MRAS: variants seen among roughly 807,000 people sequenced by gnomAD.
MRAS encodes muscle RAS oncogene homolog.
A neutral mutation model predicts 20.9 loss-of-function variants in MRAS; 4 were observed. That is an observed-to-expected ratio of 0.19 (90% CI 0.09 to 0.44). The LOEUF (loss-of-function observed/expected upper bound fraction) is 0.44, where lower values mean the gene tolerates loss of function less well. Among genes scored for constraint, MRAS ranks in the 20% least tolerant of loss-of-function variants. The pLI, the probability that MRAS is intolerant of heterozygous loss-of-function variation, is 0.99. For synonymous variants in MRAS, 98 were observed against 102.9 expected, an observed-to-expected ratio of 0.95 and a Z score of 0.29; for missense variants, 154 against 277.5, an observed-to-expected ratio of 0.56 and a Z score of 3.16.
At chr3:138,348,804 G>C (rs1419623656) in intron 1 of MRAS, 37 bp downstream of exon 1, 1 of 151,498 alleles carries the variant, frequency 6.6e-6, no homozygotes, top group Non-Finnish European at 1.5e-5. Flanking sequence ...GAGGGGGCCC[G>C]GCCGCGCCGC....
chr3:138,354,834 G>A (rs1377048357), intron 1 of MRAS, among the ~76,000 whole-genome samples: 4 of 152,206 alleles, frequency 2.6e-5, no homozygotes, highest in South Asian at 4.1e-4. Flanking sequence ...AGGTTGGAGT[G>A]TGGTGGAGCA....
At chr3:138,384,676 G>A (rs1403609201) in intron 2 of MRAS, among the ~76,000 whole-genome samples, 1 of 152,166 alleles carries the variant, frequency 6.6e-6, no homozygotes, top group Non-Finnish European at 1.5e-5. Context: ...GGGCTGGATA[G>A]AAATCTGGGT....
At position 138,372,948 on chromosome 3, in the gene MRAS, G is replaced by A; in HGVS notation, c.65G>A (p.Gly22Glu). Reference protein sequence around the residue: ...PTYKLVVVGDGGVGKSALTIQ... With the variant: ...PTYKLVVVGDEGVGKSALTIQ... ...TACAAGCTGGTGGTGGTGGGGGATG[G>A]GGGTGTGGGCAAAAGTGCCCTCACC... Residue 22 changes from glycine to glutamate, a missense_variant, in exon 2 of 6, where the codon GGG (glycine) becomes GAG (glutamate). Gly to Glu is a moderately conservative substitution (Grantham distance 98). Coordinates refer to ENST00000423968, the MANE Select transcript of MRAS (RefSeq NM_001085049.3). The A allele has an allele frequency of 6.4e-7, 1 of 1,563,508 alleles. No individual in the cohort carries two copies. Among genetic ancestry groups the A allele is most frequent in the Non-Finnish European group, 8.6e-7 (1 of 1,159,230 alleles).
At position 138,369,992 on chromosome 3, in the gene MRAS, T is replaced by C. The variant is rs571853418; in HGVS notation, c.-18-2874T>C. Reference sequence around the variant, plus strand: ...CCACCCACTTAGTATTTTTTAGTTATGTCGCTGCCAGCAGAGAATGGGAGC... The same window carrying C: ...CCACCCACTTAGTATTTTTTAGTTACGTCGCTGCCAGCAGAGAATGGGAGC... On this transcript the variant is annotated intron_variant, in intron 1 of 5. Transcript: ENST00000423968. 4.6e-5 allele frequency among the ~76,000 whole-genome samples: 7 copies of C among 152,346 alleles called. No homozygotes were observed. In the South Asian group the frequency reaches 1.0e-3, roughly 23 times the overall value.
At position 138,404,953 on chromosome 3, in the gene MRAS, C is replaced by T. The variant is rs978555925; in HGVS notation, c.*2684C>T. 3.3e-5 allele frequency: 5 copies of T among 152,284 alleles called. No individual in the cohort carries two copies. Among genetic ancestry groups the T allele is most frequent in the Admixed American group, 6.5e-5 (1 of 15,284 alleles). 9.4% of individuals were successfully genotyped at this position (152,284 alleles called of 1,614,324 possible). Reference sequence around the variant, plus strand: ...TGGAGCACAGCCTTCCTGAAATGCCCTCACCCCATGCCTTTGCCATTGTGT... The same window carrying T: ...TGGAGCACAGCCTTCCTGAAATGCCTTCACCCCATGCCTTTGCCATTGTGT... On this transcript the variant is annotated 3_prime_UTR_variant, in exon 6 of 6. Transcript: ENST00000423968.
At chr3:138,363,386 T>C (rs762886412) in intron 1 of MRAS, among the ~76,000 whole-genome samples, 2 of 152,140 alleles carry the variant, frequency 1.3e-5, no homozygotes, top group Non-Finnish European at 2.9e-5. Context: ...GTGGCTAATA[T>C]CTACTTGGCC....
chr3:138,350,487 G>A (rs1051210740), intron 1 of MRAS: 3 of 152,120 alleles, frequency 2.0e-5, no homozygotes, highest in Non-Finnish European at 4.4e-5. Flanking sequence ...TCGTGCTCTG[G>A]TGGAAACTGA....
intron 1 of MRAS, among the ~76,000 whole-genome samples, chr3:138,363,825 C>CCCCCCCG (rs1553797801): frequency 9.7e-6 from 1 of 102,778 alleles, no homozygotes; most frequent in Non-Finnish European, 2.2e-5. Flanking sequence ...ATTTACCCCC[C>CCCCCCCG]CCCCCCCCCA....
At chr3:138,401,549 T>C (rs2055360360) in intron 5 of MRAS, among the ~76,000 whole-genome samples, 1 of 151,922 alleles carries the variant, frequency 6.6e-6, no homozygotes. Flanking sequence ...GAGGCAAAGG[T>C]GGAGGTGGAG....
In MRAS at chr3:138,403,681, T is replaced by C. The variant is rs543256072; in HGVS notation, c.*1412T>C. 1 of 152,668 alleles carries C rather than the reference T, an allele frequency of 6.6e-6. No homozygotes were observed. Among genetic ancestry groups the C allele is most frequent in the East Asian group, 1.9e-4 (1 of 5,184 alleles). The allele number at this position is 152,668 out of a possible 1,614,324, so 9.5% of individuals were successfully genotyped here. A position where few individuals can be genotyped will look rare whatever the true frequency, so the allele number is the denominator to read the frequency against. ...GCTGGTGTGAGCCAAAGACTGGAGT[T>C]TTTCCAGCTGGGGTGGGAGTGGAGA... On this transcript the variant is annotated 3_prime_UTR_variant, in exon 6 of 6. Coordinates refer to ENST00000423968, the MANE Select transcript of MRAS (RefSeq NM_001085049.3).
At chr3:138,389,091 C>T (rs776392128) in intron 2 of MRAS, among the ~76,000 whole-genome samples, 8 of 152,088 alleles carry the variant, frequency 5.3e-5, no homozygotes, top group South Asian at 2.1e-4. Context: ...CCGCCCTCCT[C>T]GGCCTCCCAA....
chr3:138,368,535 A>C (rs1327760514), intron 1 of MRAS, among the ~76,000 whole-genome samples: 1 of 152,186 alleles, frequency 6.6e-6, no homozygotes, highest in Admixed American at 6.5e-5. Context: ...AGTATTCAGC[A>C]CAGAAAATAG....
intron 1 of MRAS, among the ~76,000 whole-genome samples, chr3:138,359,690 T>C (rs761389722): frequency 6.6e-6 from 1 of 152,198 alleles, no homozygotes; most frequent in Non-Finnish European, 1.5e-5. Flanking sequence ...AATGCCAGGC[T>C]GGCCCATGTC....
At chr3:138,384,580 G>A (rs1720828) in intron 2 of MRAS, among the ~76,000 whole-genome samples, 5,002 of 152,220 alleles carry the variant, frequency 0.033, 253 homozygotes, top group East Asian at 0.22. Flanking sequence ...AATTTTGGAC[G>A]TGTTAAATCC....
intron 1 of MRAS, among the ~76,000 whole-genome samples, chr3:138,357,582 C>T (rs1433096359): frequency 6.6e-6 from 1 of 152,230 alleles, no homozygotes; most frequent in Non-Finnish European, 1.5e-5. Flanking sequence ...CTGAGGGTTT[C>T]ATTTATTTTC....
chr3:138,400,842 T>C (rs1199584167), intron 5 of MRAS, among the ~76,000 whole-genome samples: 1 of 152,204 alleles, frequency 6.6e-6, no homozygotes, highest in African/African-American at 2.4e-5. Flanking sequence ...CTGCTGCACA[T>C]GTTAAGTGGA....
Position 138,364,188 on chromosome 3 carries a change from C to T in MRAS, c.-18-8678C>T, listed in dbSNP as rs188419484. Among the ~76,000 whole-genome samples the T allele has an allele frequency of 1.3e-3, 192 of 152,184 alleles. 4 individuals carry two copies. Among genetic ancestry groups the T allele is most frequent in the Non-Finnish European group, 5.3e-4 (36 of 68,010 alleles). On this transcript the variant is annotated intron_variant, in intron 1 of 5. Coordinates refer to ENST00000423968, the MANE Select transcript of MRAS (RefSeq NM_001085049.3). Reference sequence around the variant, plus strand: ...CACACATATCGGCCTGCTAGCCTTCCGAGAAGGGAGAGGTAGGAGGCTGAG... The same window carrying T: ...CACACATATCGGCCTGCTAGCCTTCTGAGAAGGGAGAGGTAGGAGGCTGAG...
rs1252646801 is a variant in MRAS at position 138,405,252 on chromosome 3, C to CA, written c.*2986dup. On this transcript the variant is annotated 3_prime_UTR_variant, in exon 6 of 6. Coordinates refer to ENST00000423968, the MANE Select transcript of MRAS (RefSeq NM_001085049.3). ...ACCCACTAACGTGGCAACTTTAACC[C>CA]AAAGGCCCCTCAGACATGTTACAGC... 2 of 152,660 alleles carry CA rather than the reference C, an allele frequency of 1.3e-5. No homozygotes were observed. The highest frequency in any genetic ancestry group is 4.8e-5 in the African/African-American group (2 of 41,470). The allele number at this position is 152,660 out of a possible 1,614,324, so 9.5% of individuals were successfully genotyped here.
intron 2 of MRAS, among the ~76,000 whole-genome samples, chr3:138,384,940 T>C (rs1049834043): frequency 1.3e-5 from 2 of 151,978 alleles, no homozygotes; most frequent in Admixed American, 6.6e-5. Flanking sequence ...GAAGCACCCA[T>C]TGGATTTAGT....
Sources: allele counts gnomAD v4.1 joint callset (sites outside exome capture counted in the v4.1 genomes callset), GRCh38; gene constraint gnomAD v4.1.1; transcripts MANE v1.5; gene names NCBI Gene and HGNC (gene_info 2026-07-23, HGNC 2026-07-21).